The following ZBTB25 variants were observed in gnomAD, a reference collection of about 807,000 sequenced individuals.
ZBTB25 encodes zinc finger and BTB domain containing 25.
In ZBTB25, 20 loss-of-function variants were observed where a neutral mutation model predicts 34.2. The observed-to-expected ratio is 0.58, with a 90% CI of 0.41 to 0.85. The LOEUF (loss-of-function observed/expected upper bound fraction) is 0.85. Ranked by LOEUF, ZBTB25 falls within the 40% of genes least tolerant of loss-of-function variation. The pLI, the probability that ZBTB25 is intolerant of heterozygous loss-of-function variation, is 0.00. For synonymous variants in ZBTB25, 175 were observed against 186.4 expected, an observed-to-expected ratio of 0.94 and a Z score of 0.50; for missense variants, 437 against 521.8, an observed-to-expected ratio of 0.84 and a Z score of 1.58.
chr14:64,499,998 G>C (rs1002812607), intron 1 of ZBTB25, among the ~76,000 whole-genome samples: 2 of 152,170 alleles, frequency 1.3e-5, no homozygotes, highest in Non-Finnish European at 2.9e-5. Context: ...ACATTACATT[G>C]TAGGATGCCT....
chr14:64,452,743 C>G (rs2078394615), intron 2 of ZBTB25, among the ~76,000 whole-genome samples: 1 of 152,194 alleles, frequency 6.6e-6, no homozygotes, highest in South Asian at 2.1e-4. Context: ...AGGGTGGCAT[C>G]TGCCTCTCAT....
In ZBTB25 at chr14:64,498,307, C is replaced by CT. The variant is rs1233142412; in HGVS notation, c.-8+5353dup. ...AATTGCTAGGGGTGAGGCACAGATT[C>CT]TTTTTTTTTTTTTTTTGAGACAGAG... On this transcript the variant is annotated intron_variant, in intron 1 of 2. Coordinates refer to ENST00000608382, the MANE Select transcript of ZBTB25 (RefSeq NM_006977.5). Among the ~76,000 whole-genome samples, 1,005 of 138,634 alleles carry CT rather than the reference C, an allele frequency of 7.2e-3. 7 individuals are homozygous for CT. Among genetic ancestry groups the CT allele is most frequent in the African/African-American group, 0.019 (723 of 38,096 alleles). The allele number at this position is 138,634 out of a possible 152,430, so 90.9% of individuals were successfully genotyped here. A position where few individuals can be genotyped will look rare whatever the true frequency, so the allele number is the denominator to read the frequency against.
intron 2 of ZBTB25, chr14:64,468,740 C>A (rs1277481218): frequency 1.2e-6 from 2 of 1,614,198 alleles, no homozygotes; most frequent in South Asian, 2.2e-5. Flanking sequence ...GGATGCTGAT[C>A]TTTCTAAGAA....
intron 1 of ZBTB25, chr14:64,503,050 G>A (rs2079549903): frequency 1.1e-5 from 11 of 985,302 alleles, no homozygotes; most frequent in Non-Finnish European, 1.2e-5. Flanking sequence ...GTTGTGCTAT[G>A]CGCTGCCTCC....
chr14:64,498,469 CCTGG>C (rs1349884199), intron 1 of ZBTB25, among the ~76,000 whole-genome samples: 2 of 151,546 alleles, frequency 1.3e-5, no homozygotes, highest in Non-Finnish European at 2.9e-5. Context: ...GCCCATCACG[CCTGG>C]CTAATTTTTA....
At chr14:64,452,502 C>CTT (rs1002336889) in intron 2 of ZBTB25, among the ~76,000 whole-genome samples, 8 of 152,238 alleles carry the variant, frequency 5.3e-5, no homozygotes, top group Admixed American at 2.0e-4. Context: ...GCCAGCTCCA[C>CTT]TTCTCTGAAG....
At chr14:64,494,831 A>G (rs2079214956) in intron 1 of ZBTB25, among the ~76,000 whole-genome samples, 1 of 152,178 alleles carries the variant, frequency 6.6e-6, no homozygotes. Context: ...ATATACAATA[A>G]CTTATTTCTC....
rs1346135896 is a variant in ZBTB25, at chr14:64,487,357, G to A, written c.874C>T (p.Leu292Phe). The A allele has an allele frequency of 6.2e-7, 1 of 1,614,046 alleles. No homozygotes were observed. Among genetic ancestry groups the A allele is most frequent in the Admixed American group, 1.7e-5 (1 of 60,006 alleles). ...AAGGAGCTGAGCCTGCGGCATTCAA[G>A]GGCCTCGCTGTTTTCATTAAGGGGA... ...VHPLNENSEALECRRLSSFIV... is the reference protein window; with the variant it reads ...VHPLNENSEAFECRRLSSFIV... The change falls in exon 3 of 3, where the codon CTT becomes TTT. Residue 292 changes from leucine (L) to phenylalanine (F), a missense_variant. Leu to Phe is a conservative substitution (Grantham distance 22, BLOSUM62 0). Transcript: ENST00000608382.
chr14:64,500,118 A>G (rs116298602), intron 1 of ZBTB25, among the ~76,000 whole-genome samples: 1,715 of 152,330 alleles, frequency 0.011, 32 homozygotes, highest in African/African-American at 0.039. Context: ...CTCTCAGTCC[A>G]TTAAAGACAA....
chr14:64,454,260 G>A lies in ZBTB25; in HGVS notation c.174-4622C>T, dbSNP rs146181981. Among the ~76,000 whole-genome samples, 795 of 152,146 alleles carry A rather than the reference G, an allele frequency of 5.2e-3. 3 individuals are homozygous for A. Among genetic ancestry groups the A allele is most frequent in the Non-Finnish European group, 7.8e-3 (529 of 68,006 alleles). ...CCTGAGTAGCTGCGCCTACAGGCAC[G>A]CACCACCACACCTGGCTAATTTTTG... On this transcript the variant is annotated intron_variant, in intron 2 of 2. Transcript: ENST00000555220.
Position 64,487,280 on chromosome 14 carries a change from T to C in ZBTB25, c.951A>G (p.Thr317=), listed in dbSNP as rs745888098. 6.2e-7 allele frequency: 1 copy of C among 1,614,116 alleles called. No homozygotes were observed. The highest frequency in any genetic ancestry group is 8.5e-7 in the Non-Finnish European group (1 of 1,180,044). ...ATACTTGACTGATCTGCAAAGGCTCTGTGGTACCCCGGTTGGTGTGGTCTG... is the reference window on the plus strand; with the variant it reads ...ATACTTGACTGATCTGCAAAGGCTCCGTGGTACCCCGGTTGGTGTGGTCTG... ...QQPDHTNRGT[T]EPLQISQVSL... is the part of the protein sequence containing the mutation. The change falls in exon 3 of 3, where the codon ACA becomes ACG. Residue 317 remains threonine, a synonymous_variant. Transcript: ENST00000608382.
chr14:64,490,818 A>C (rs979061368), intron 1 of ZBTB25, among the ~76,000 whole-genome samples: 4 of 152,220 alleles, frequency 2.6e-5, no homozygotes, highest in African/African-American at 9.7e-5. Context: ...GTGACACATG[A>C]AGACAGACCT....
At chr14:64,456,029 GTGT>G (rs2078467429) in intron 2 of ZBTB25, among the ~76,000 whole-genome samples, 2 of 152,218 alleles carry the variant, frequency 1.3e-5, no homozygotes, top group Non-Finnish European at 2.9e-5. Context: ...GCAGAAATAT[GTGT>G]TGTTCTTTTT....
At chr14:64,454,727 T>C in intron 2 of ZBTB25, 3 of 1,613,522 alleles carry the variant, frequency 1.9e-6, no homozygotes, top group Non-Finnish European at 2.5e-6. Context: ...CCCCAGGGCT[T>C]TGGGAATCTC....
chr14:64,501,998 T>G (rs542414593), intron 1 of ZBTB25, among the ~76,000 whole-genome samples: 1 of 152,240 alleles, frequency 6.6e-6, no homozygotes, highest in Non-Finnish European at 1.5e-5. Flanking sequence ...ACTTGAGAGA[T>G]AAGCGATCTA....
chr14:64,500,564 G>A (rs140497912), intron 1 of ZBTB25, among the ~76,000 whole-genome samples: 2 of 151,622 alleles, frequency 1.3e-5, no homozygotes, highest in East Asian at 1.9e-4. Flanking sequence ...TTAGGAGGCC[G>A]AGGAGGGTGG....
intron 1 of ZBTB25, among the ~76,000 whole-genome samples, chr14:64,493,009 G>T (rs1239749170): frequency 6.6e-6 from 1 of 151,928 alleles, no homozygotes; most frequent in Non-Finnish European, 1.5e-5. Context: ...TGGGAAACAA[G>T]GCCAGGCAGA....
At chr14:64,469,737 T>C (rs1363899342) in intron 2 of ZBTB25, 10 of 1,244,538 alleles carry the variant, frequency 8.0e-6, no homozygotes, top group Admixed American at 2.6e-5. Context: ...TTTTATACAT[T>C]TGTGGCATTT....
rs1596604778 is a variant in ZBTB25, at chr14:64,482,626, T to C, written c.*4297A>G. The C allele has an allele frequency of 6.6e-6, 1 of 152,350 alleles. No individual in the cohort carries two copies. Among genetic ancestry groups the C allele is most frequent in the African/African-American group, 2.4e-5 (1 of 41,584 alleles). 9.4% of individuals were successfully genotyped at this position (152,350 alleles called of 1,614,324 possible). On this transcript the variant is annotated 3_prime_UTR_variant, in exon 3 of 3. Transcript: ENST00000608382. ...ACTGAAGGCTAAAAAGAAACAGTGA[T>C]GATTAAATTACAGTAGAACAGGAAT...
Sources: gnomAD v4.1 joint callset for allele counts (sites outside exome capture counted in the v4.1 genomes callset) on GRCh38, gnomAD v4.1.1 for gene constraint, MANE v1.5 for transcripts, NCBI Gene and HGNC (gene_info 2026-07-23, HGNC 2026-07-21) for gene names.